CSMD1: variants seen among roughly 807,000 people sequenced by gnomAD.
CSMD1 encodes CUB and Sushi multiple domains 1.
CSMD1 carries 213 observed loss-of-function variants against 417.5 expected under a neutral mutation model. That is an observed-to-expected ratio of 0.51 (90% CI 0.46 to 0.57). CSMD1 has a LOEUF of 0.57. Ranked by LOEUF, CSMD1 falls within the 20% of genes least tolerant of loss-of-function variation. The probability of loss-of-function intolerance (pLI) is 0.00; values close to 1 mark genes in which losing one functional copy is unlikely to be tolerated. For synonymous variants in CSMD1, 2,862 were observed against 1,736.8 expected, an observed-to-expected ratio of 1.65 and a Z score of -16.11; for missense variants, 6,923 against 4,529.7, an observed-to-expected ratio of 1.53 and a Z score of -15.17.
rs73660878 is a variant in CSMD1 at position 4,468,354 on chromosome 8, C to G, written c.303-48289G>C. On this transcript the variant is annotated intron_variant, in intron 2 of 69. Transcript: ENST00000635120. ...CTTTTTAAAGGTGTTATCACAAAAC[C>G]TTTTAAAAACCATTAATAAAGAGGA... 3.5e-3 allele frequency among the ~76,000 whole-genome samples: 527 copies of G among 152,204 alleles called. 2 individuals are homozygous for G. Among genetic ancestry groups the G allele is most frequent in the African/African-American group, 0.012 (505 of 41,516 alleles).
At chr8:4,093,634 T>C (rs1489961021) in intron 3 of CSMD1, among the ~76,000 whole-genome samples, 9 of 152,022 alleles carry the variant, frequency 5.9e-5, no homozygotes, top group African/African-American at 1.7e-4. Context: ...AAGCCAACTA[T>C]GATTGAGAGG....
intron 2 of CSMD1, among the ~76,000 whole-genome samples, chr8:4,503,291 G>A (rs939366327): frequency 3.3e-5 from 5 of 152,126 alleles, no homozygotes; most frequent in Non-Finnish European, 7.3e-5. Flanking sequence ...ATAAGAAGGT[G>A]TTGAAGTATT....
At chr8:3,213,844 G>C (rs1797744362) in intron 30 of CSMD1, among the ~76,000 whole-genome samples, 1 of 139,614 alleles carries the variant, frequency 7.2e-6, no homozygotes, top group South Asian at 2.3e-4. Context: ...GTGTGTGTGT[G>C]TATATACATA....
chr8:4,322,707 C>T (rs1338716845), intron 3 of CSMD1, among the ~76,000 whole-genome samples: 6 of 152,134 alleles, frequency 3.9e-5, no homozygotes, highest in Non-Finnish European at 8.8e-5. Flanking sequence ...GTTGAAAATG[C>T]AGTAGGGGCC....
At chr8:4,849,252 C>A (rs1302012695) in intron 1 of CSMD1, among the ~76,000 whole-genome samples, 1 of 151,988 alleles carries the variant, frequency 6.6e-6, no homozygotes, top group Non-Finnish European at 1.5e-5. Context: ...TTATTGTACA[C>A]CTGTGCATGT....
intron 7 of CSMD1, among the ~76,000 whole-genome samples, chr8:3,673,472 A>T (rs1799192827): frequency 6.6e-6 from 1 of 152,220 alleles, no homozygotes; most frequent in Non-Finnish European, 1.5e-5. Context: ...ACAAGCAAGA[A>T]TGTGTTTAAC....
chr8:3,775,515 G>A (rs1052487582), intron 5 of CSMD1, among the ~76,000 whole-genome samples: 1 of 152,166 alleles, frequency 6.6e-6, no homozygotes, highest in Non-Finnish European at 1.5e-5. Context: ...ATTTCCAATA[G>A]GATCCTAATA....
intron 1 of CSMD1, among the ~76,000 whole-genome samples, chr8:4,878,724 G>A (rs17348514): frequency 0.063 from 9,564 of 151,992 alleles, 409 homozygotes; most frequent in Middle Eastern, 0.099. Context: ...ATGGCACCCA[G>A]CAGTATCTTT....
chr8:3,461,490 C>T (rs1462890983), intron 12 of CSMD1, among the ~76,000 whole-genome samples: 1 of 152,190 alleles, frequency 6.6e-6, no homozygotes, highest in Non-Finnish European at 1.5e-5. Flanking sequence ...GTCTCACCTC[C>T]ACCCCAGGAG....
intron 1 of CSMD1, among the ~76,000 whole-genome samples, chr8:4,799,649 C>G (rs1289737583): frequency 2.3e-5 from 3 of 132,318 alleles, no homozygotes; most frequent in South Asian, 2.6e-4. Context: ...GGCACTCACA[C>G]AAGTATCTGA....
chr8:3,029,309 C>A lies in CSMD1; in HGVS notation c.7855+10G>T, dbSNP rs75127450. 6,214 of 1,594,122 alleles carry A rather than the reference C, an allele frequency of 3.9e-3. 223 individuals carry two copies. The African/African-American group carries it at 0.077, about 20-fold the overall frequency. ...CCGTGACTTTCAGGGGTGCCTCCCT[C>A]ATCACTTACCTCGACAGCTTGGCCT... is the stretch of plus-strand genomic sequence containing the variant. On this transcript the variant is annotated intron_variant, in intron 51 of 69. Coordinates refer to ENST00000635120, the MANE Select transcript of CSMD1 (RefSeq NM_033225.6).
intron 3 of CSMD1, among the ~76,000 whole-genome samples, chr8:4,217,389 A>G (rs557622757): frequency 6.6e-6 from 1 of 152,318 alleles, no homozygotes; most frequent in South Asian, 2.1e-4. Context: ...TCATTTCATG[A>G]AATATAACTC....
chr8:3,883,824 G>C (rs1298663369), intron 5 of CSMD1, among the ~76,000 whole-genome samples: 1 of 152,034 alleles, frequency 6.6e-6, no homozygotes, highest in Non-Finnish European at 1.5e-5. Context: ...CTACTGATCA[G>C]AGGAATGAAT....
At chr8:4,502,504 C>T (rs776979704) in intron 2 of CSMD1, among the ~76,000 whole-genome samples, 1 of 152,072 alleles carries the variant, frequency 6.6e-6, no homozygotes, top group Non-Finnish European at 1.5e-5. Context: ...GGGCCATGAC[C>T]ACGTCATTCC....
At chr8:3,850,986 G>C (rs1375049914) in intron 5 of CSMD1, among the ~76,000 whole-genome samples, 1 of 152,140 alleles carries the variant, frequency 6.6e-6, no homozygotes, top group Non-Finnish European at 1.5e-5. Flanking sequence ...TATAATAAGT[G>C]CTTCAGCTTA....
At chr8:3,518,127 T>C (rs542319392) in intron 10 of CSMD1, among the ~76,000 whole-genome samples, 2 of 150,440 alleles carry the variant, frequency 1.3e-5, no homozygotes, top group East Asian at 3.9e-4. Flanking sequence ...AAAACAATAT[T>C]AACTATTTCT....
At chr8:3,953,138 A>C (rs1811700941) in intron 5 of CSMD1, among the ~76,000 whole-genome samples, 1 of 152,104 alleles carries the variant, frequency 6.6e-6, no homozygotes. Flanking sequence ...AAACCCTAAA[A>C]AATACCATTT....
chr8:2,951,510 T>G (rs967245229), intron 65 of CSMD1, among the ~76,000 whole-genome samples: 1 of 152,166 alleles, frequency 6.6e-6, no homozygotes, highest in Non-Finnish European at 1.5e-5. Flanking sequence ...GTTTCTTTTA[T>G]TATTATTAGA....
chr8:4,188,056 AG>A (rs1270758360), intron 3 of CSMD1, among the ~76,000 whole-genome samples: 1 of 152,134 alleles, frequency 6.6e-6, no homozygotes, highest in Non-Finnish European at 1.5e-5. Flanking sequence ...TCCTAGTCAT[AG>A]GTGATTTAAA....
Sources: gnomAD v4.1 joint callset for allele counts (sites outside exome capture counted in the v4.1 genomes callset) on GRCh38, gnomAD v4.1.1 for gene constraint, MANE v1.5 for transcripts, NCBI Gene and HGNC (gene_info 2026-07-23, HGNC 2026-07-21) for gene names.